The following ZNF79 variants were observed in gnomAD, a reference collection of about 807,000 sequenced individuals.
The protein encoded by ZNF79 is zinc finger protein 79.
ZNF79 carries 13 observed loss-of-function variants against 14.9 expected under a neutral mutation model. The ratio of observed to expected loss-of-function variants is 0.87; its 90% CI spans 0.57 to 1.38. The LOEUF (loss-of-function observed/expected upper bound fraction) is 1.38, where lower values mean the gene tolerates loss of function less well. Among genes scored for constraint, ZNF79 ranks in the 40% most tolerant of loss-of-function variants. The pLI is 0.00. For synonymous variants in ZNF79, 223 were observed against 235.1 expected, an observed-to-expected ratio of 0.95 and a Z score of 0.47; for missense variants, 631 against 630.6, an observed-to-expected ratio of 1.00 and a Z score of -0.01.
In ZNF79 at chr9:127,444,336, G is replaced by A. The variant is rs1834111428; in HGVS notation, c.636G>A (p.Gln212=). ...ACTGTTCTTCCCTTTCTCAGCATCA[G>A]AAGAGCCACACTGGAGAGAAGCCCT... is the stretch of plus-strand genomic sequence containing the variant. ...FSYCSSLSQH[Q]KSHTGEKPYE... is the part of the protein sequence containing the mutation. The change falls in exon 5 of 5, where the codon CAG becomes CAA. Residue 212 remains glutamine (Q), a synonymous_variant. Coordinates refer to ENST00000342483, the MANE Select transcript of ZNF79 (RefSeq NM_007135.3). 4 of 1,614,084 alleles carry A rather than the reference G, an allele frequency of 2.5e-6. No homozygotes were observed. The highest frequency in any genetic ancestry group is 3.4e-6 in the Non-Finnish European group (4 of 1,179,900).
chr9:127,424,743 C>A lies in ZNF79; in HGVS notation c.-45C>A. The A allele has an allele frequency of 1.2e-6, 2 of 1,613,270 alleles. No individual in the cohort carries two copies. The highest frequency in any genetic ancestry group is 1.7e-6 in the Non-Finnish European group (2 of 1,179,896). On this transcript the variant is annotated 5_prime_UTR_variant, in exon 1 of 5. Coordinates refer to ENST00000342483, the MANE Select transcript of ZNF79 (RefSeq NM_007135.3). ...GGGGGCTGCTGTAGATAGACCCTTACGCCCAGAGAACTGCTGGGAGGCTGT... is the reference window on the plus strand; with the variant it reads ...GGGGGCTGCTGTAGATAGACCCTTAAGCCCAGAGAACTGCTGGGAGGCTGT...
intron 4 of ZNF79, among the ~76,000 whole-genome samples, chr9:127,439,142 T>G (rs1038846542): frequency 4.3e-5 from 5 of 116,820 alleles, no homozygotes; most frequent in Non-Finnish European, 7.4e-5. Flanking sequence ...ACTGTAGCAG[T>G]GGCTATGGGA....
chr9:127,441,926 C>CA (rs1834055325), intron 4 of ZNF79, among the ~76,000 whole-genome samples: 2 of 141,582 alleles, frequency 1.4e-5, no homozygotes, highest in East Asian at 2.1e-4. Context: ...GCCTGGGTGA[C>CA]AGAGTGAGAC....
chr9:127,435,363 C>A, intron 3 of ZNF79, 147 bp downstream of exon 3: 1 of 989,774 alleles, frequency 1.0e-6, no homozygotes, highest in Non-Finnish European at 1.4e-6. Flanking sequence ...AAGGTCTCTG[C>A]ATGCTCACTT....
intron 4 of ZNF79, among the ~76,000 whole-genome samples, chr9:127,439,175 T>G (rs60167128): frequency 0.068 from 7,149 of 104,732 alleles, 574 homozygotes; most frequent in African/African-American, 0.22. Context: ...GAACTGTGGG[T>G]GAAATACACA....
intron 2 of ZNF79, among the ~76,000 whole-genome samples, chr9:127,432,442 G>A (rs1176331716): frequency 2.6e-5 from 4 of 151,568 alleles, no homozygotes; most frequent in Non-Finnish European, 4.4e-5. Context: ...GAGCCACCAC[G>A]CCCGGCCTAA....
intron 4 of ZNF79, among the ~76,000 whole-genome samples, chr9:127,440,023 C>T (rs7869873): frequency 0.41 from 62,350 of 151,892 alleles, 13,943 homozygotes; most frequent in Non-Finnish European, 0.5. Context: ...CCACCACGCC[C>T]GGCTAATTTT....
Position 127,444,518 on chromosome 9 carries a change from G to T in ZNF79, c.818G>T (p.Gly273Val), listed in dbSNP as rs756175639. Reference sequence around the variant, plus strand: ...ACCAAACACCAGCGAACCCACACCGGAGAGAAGCCCTACAGATGCAGCGAG... The same window carrying T: ...ACCAAACACCAGCGAACCCACACCGTAGAGAAGCCCTACAGATGCAGCGAG... ...NLTKHQRTHT[G>V]EKPYRCSECE... Residue 273 changes from glycine (G) to valine (V), a missense_variant, in exon 5 of 5, where the codon GGA becomes GTA. Transcript: ENST00000342483. 62 of 1,613,580 alleles carry T rather than the reference G, an allele frequency of 3.8e-5. No individual in the cohort carries two copies. Among genetic ancestry groups the T allele is most frequent in the Non-Finnish European group, 5.1e-5 (60 of 1,179,614 alleles).
In ZNF79 at chr9:127,435,202, G is replaced by A. The variant is rs780098869; in HGVS notation, c.218G>A (p.Ser73Asn). The A allele has an allele frequency of 6.3e-7, 1 of 1,599,608 alleles. No homozygotes were observed. Among genetic ancestry groups the A allele is most frequent in the Non-Finnish European group, 8.5e-7 (1 of 1,175,546 alleles). The change falls in exon 3 of 5, where the codon AGC becomes AAC. Residue 73 changes from serine to asparagine, a missense_variant. Ser to Asn is a conservative substitution (Grantham distance 46). Transcript: ENST00000342483. ...FKEGIPGKSR[S>N]LVLLGLPVSQ... ...GAGGGGATACCAGGAAAGTCCAGGA[G>A]CCTTGTCCTACTAGGTAAGGAAACT...
intron 2 of ZNF79, among the ~76,000 whole-genome samples, chr9:127,432,317 T>G (rs1833875520): frequency 6.6e-6 from 1 of 151,694 alleles, no homozygotes; most frequent in African/African-American, 2.4e-5. Flanking sequence ...CCGGCTAATT[T>G]TTTTGTATTT....
chr9:127,432,900 C>T (rs1339129921), intron 2 of ZNF79, among the ~76,000 whole-genome samples: 1 of 152,066 alleles, frequency 6.6e-6, no homozygotes, highest in African/African-American at 2.4e-5. Flanking sequence ...ATGGATATTA[C>T]TTTCCTGATT....
chr9:127,440,342 C>T (rs952426332), intron 4 of ZNF79, among the ~76,000 whole-genome samples: 4 of 152,074 alleles, frequency 2.6e-5, no homozygotes, highest in African/African-American at 7.2e-5. Flanking sequence ...GGGGATGAGC[C>T]AGCTGTTTGG....
intron 2 of ZNF79, among the ~76,000 whole-genome samples, chr9:127,429,919 C>T (rs1156391411): frequency 7.9e-5 from 12 of 151,812 alleles, no homozygotes; most frequent in African/African-American, 2.4e-4. Context: ...CAGGTTCAAG[C>T]GATTCTCCTG....
Position 127,435,216 on chromosome 9 carries a change from G to A in ZNF79, c.232G>A (p.Gly78Arg). The A allele has an allele frequency of 6.3e-7, 1 of 1,582,550 alleles. No individual in the cohort carries two copies. Among genetic ancestry groups the A allele is most frequent in the South Asian group, 1.2e-5 (1 of 86,136 alleles). ...PGKSRSLVLL[G>R]LPVSQPGMNS... ...AAAGTCCAGGAGCCTTGTCCTACTAGGTAAGGAAACTGTTTCTTTAAGATT... is the reference window on the plus strand; with the variant it reads ...AAAGTCCAGGAGCCTTGTCCTACTAAGTAAGGAAACTGTTTCTTTAAGATT... Residue 78 changes from glycine (G) to arginine (R), a missense_variant and splice_region_variant, in exon 3 of 5, where the codon GGA becomes AGA. Transcript: ENST00000342483.
Position 127,445,104 on chromosome 9 carries a change from A to G in ZNF79, c.1404A>G (p.Thr468=), listed in dbSNP as rs56295336. 2,470 of 1,599,452 alleles carry G rather than the reference A, an allele frequency of 1.5e-3. 2 individuals carry two copies. The highest frequency in any genetic ancestry group is 2.0e-3 in the Non-Finnish European group (2,335 of 1,174,582). The stretch of plus-strand genomic sequence containing the variant: ...TTAGTCAGCATCAGAGAATCCACAC[A>G]GGCGTGAAACCCTACGAATGCAGCG... ...SSLSQHQRIH[T]GVKPYECSEC... Residue 468 remains threonine (T), a synonymous_variant, in exon 5 of 5, where the codon ACA becomes ACG. Coordinates refer to ENST00000342483, the MANE Select transcript of ZNF79 (RefSeq NM_007135.3).
intron 4 of ZNF79, among the ~76,000 whole-genome samples, chr9:127,441,923 T>A (rs565388925): frequency 7.4e-6 from 1 of 135,332 alleles, no homozygotes; most frequent in African/African-American, 2.8e-5. Flanking sequence ...CCAGCCTGGG[T>A]GACAGAGTGA....
At chr9:127,434,850 T>C (rs1261838586) in intron 2 of ZNF79, among the ~76,000 whole-genome samples, 2 of 152,194 alleles carry the variant, frequency 1.3e-5, no homozygotes, top group African/African-American at 4.8e-5. Flanking sequence ...GGTTTTGCCG[T>C]GTTGGCCAGG....
chr9:127,429,948 C>G (rs1833831313), intron 2 of ZNF79, among the ~76,000 whole-genome samples: 1 of 151,994 alleles, frequency 6.6e-6, no homozygotes, highest in Non-Finnish European at 1.5e-5. Flanking sequence ...TCCCAAGTAG[C>G]TGGAATTACA....
chr9:127,426,717 A>C (rs1208341139), intron 1 of ZNF79, among the ~76,000 whole-genome samples: 2 of 152,194 alleles, frequency 1.3e-5, no homozygotes, highest in Non-Finnish European at 2.9e-5. Context: ...TTTTTGTGGT[A>C]GAATGATATT....
Sources: allele counts gnomAD v4.1 joint callset (sites outside exome capture counted in the v4.1 genomes callset), GRCh38; gene constraint gnomAD v4.1.1; transcripts MANE v1.5; gene names NCBI Gene and HGNC (gene_info 2026-07-23, HGNC 2026-07-21).